GNG2: variants seen among roughly 807,000 people sequenced by gnomAD.
The protein encoded by GNG2 is guanine nucleotide-binding protein G(I)/G(S)/G(O) subunit gamma-2.
Under a neutral mutation model 5.5 loss-of-function variants are expected in GNG2, and 5 were observed. The ratio of observed to expected loss-of-function variants is 0.91; its 90% CI spans 0.48 to 1.92. The LOEUF is 1.92. GNG2 is among the 30% of genes most tolerant of loss of function. The pLI is 0.01. For synonymous variants in GNG2, 28 were observed against 32.0 expected (o/e 0.88, Z 0.42); for missense variants, 55 against 88.4 (o/e 0.62, Z 1.52).
chr14:51,943,613 T>C (rs1344400601), intron 2 of GNG2, among the ~76,000 whole-genome samples: 1 of 152,228 alleles, frequency 6.6e-6, no homozygotes, highest in Non-Finnish European at 1.5e-5. Flanking sequence ...GACAAAAGCA[T>C]TCTTCTCCAG....
intron 2 of GNG2, among the ~76,000 whole-genome samples, chr14:51,880,454 C>T (rs1883971794): frequency 6.6e-6 from 1 of 152,184 alleles, no homozygotes; most frequent in Non-Finnish European, 1.5e-5. Context: ...AAGTTATCCC[C>T]ACAAAGTAAG....
chr14:51,895,457 CA>C (rs1438585091), intron 2 of GNG2, among the ~76,000 whole-genome samples: 1 of 152,106 alleles, frequency 6.6e-6, no homozygotes, highest in African/African-American at 2.4e-5. Flanking sequence ...AATTTACATC[CA>C]GAGAAAGATG....
intron 3 of GNG2, among the ~76,000 whole-genome samples, chr14:51,953,146 G>A (rs1443722690): frequency 2.0e-5 from 3 of 152,146 alleles, no homozygotes; most frequent in African/African-American, 7.2e-5. Context: ...TAAAGATTCA[G>A]ATCAAATTAT....
intron 3 of GNG2, among the ~76,000 whole-genome samples, chr14:51,957,799 T>C (rs1457504416): frequency 1.3e-5 from 2 of 152,184 alleles, no homozygotes; most frequent in African/African-American, 2.4e-5. Context: ...CCTTGACACT[T>C]TTGGAGATTA....
At chr14:51,961,193 T>C (rs1186852613) in intron 3 of GNG2, among the ~76,000 whole-genome samples, 1 of 152,236 alleles carries the variant, frequency 6.6e-6, no homozygotes, top group Non-Finnish European at 1.5e-5. Flanking sequence ...TGCCCAGTTT[T>C]TAATTTAAGG....
Position 51,952,049 on chromosome 14 carries a change from A to T in GNG2, c.87+1284A>T, listed in dbSNP as rs1007941157. On this transcript the variant is annotated intron_variant, in intron 3 of 3. Transcript: ENST00000556766. ...CAGGCATCAGTATTTTTTAAAAAGA[A>T]TTTTTCAGTTCATTCCGATGTATAG... The T allele has an allele frequency of 2.9e-5, 18 of 611,994 alleles. No individual in the cohort carries two copies. In the African/African-American group the frequency reaches 3.0e-4, roughly 10 times the overall value. The allele number at this position is 611,994 out of a possible 1,614,324, so 37.9% of individuals were successfully genotyped here. A position where few individuals can be genotyped will look rare whatever the true frequency, so the allele number is the denominator to read the frequency against.
chr14:51,961,778 C>CA (rs1272679394), intron 3 of GNG2, among the ~76,000 whole-genome samples: 2 of 151,728 alleles, frequency 1.3e-5, no homozygotes, highest in Non-Finnish European at 2.9e-5. Context: ...CACTCTGAGG[C>CA]AAAAAAGAAC....
intron 1 of GNG2, among the ~76,000 whole-genome samples, chr14:51,865,843 A>G (rs770179038): frequency 1.3e-5 from 2 of 152,138 alleles, no homozygotes; most frequent in African/African-American, 2.4e-5. Flanking sequence ...AGTATTAGAG[A>G]TATCTGTAAA....
intron 2 of GNG2, among the ~76,000 whole-genome samples, chr14:51,909,603 T>A (rs1019526164): frequency 2.0e-5 from 3 of 152,200 alleles, no homozygotes; most frequent in African/African-American, 4.8e-5. Flanking sequence ...AGGGATTGCA[T>A]AAAGGACCCC....
chr14:51,911,302 G>T (rs8020243), intron 2 of GNG2, among the ~76,000 whole-genome samples: 1 of 152,074 alleles, frequency 6.6e-6, no homozygotes, highest in African/African-American at 2.4e-5. Flanking sequence ...ATTCTGTTAC[G>T]GGGTAGGGAA....
intron 2 of GNG2, among the ~76,000 whole-genome samples, chr14:51,887,163 C>T (rs1366127124): frequency 6.6e-6 from 1 of 152,136 alleles, no homozygotes; most frequent in African/African-American, 2.4e-5. Context: ...GAGAAAACCA[C>T]CCTATGCTTT....
chr14:51,955,534 C>CT (rs34270098), intron 3 of GNG2, among the ~76,000 whole-genome samples: 31 of 152,056 alleles, frequency 2.0e-4, no homozygotes, highest in African/African-American at 7.5e-4. Flanking sequence ...TTTGTAAAAG[C>CT]TTTTTTCAGT....
intron 2 of GNG2, among the ~76,000 whole-genome samples, chr14:51,918,265 G>C (rs958466391): frequency 6.6e-6 from 1 of 152,126 alleles, no homozygotes; most frequent in Admixed American, 6.5e-5. Context: ...GTAAAGAGCT[G>C]CACTGTCTCC....
chr14:51,918,119 A>G (rs1265087618), intron 2 of GNG2, among the ~76,000 whole-genome samples: 1 of 152,112 alleles, frequency 6.6e-6, no homozygotes, highest in East Asian at 1.9e-4. Context: ...AATAAACCAG[A>G]AGCAACAGGG....
intron 2 of GNG2, among the ~76,000 whole-genome samples, chr14:51,841,269 A>G (rs1225989125): frequency 6.6e-6 from 1 of 152,220 alleles, no homozygotes; most frequent in Admixed American, 6.5e-5. Context: ...CAGCTGCAAC[A>G]GGCCCCTCTC....
intron 2 of GNG2, among the ~76,000 whole-genome samples, chr14:51,829,818 C>G (rs970499701): frequency 6.6e-6 from 1 of 150,840 alleles, no homozygotes; most frequent in Non-Finnish European, 1.5e-5. Context: ...TTGACCTATG[C>G]TCCTAGTTGA....
At chr14:51,836,008 A>G (rs1275077844) in intron 2 of GNG2, among the ~76,000 whole-genome samples, 22 of 151,460 alleles carry the variant, frequency 1.5e-4, no homozygotes, top group Admixed American at 1.5e-3. Flanking sequence ...AACAATAGAA[A>G]TTTATTTCTC....
rs925131731 is a variant in GNG2, at chr14:51,967,670, A to C, written c.*983A>C. 3 of 152,110 alleles carry C rather than the reference A, an allele frequency of 2.0e-5. No individual in the cohort carries two copies. The highest frequency in any genetic ancestry group is 7.2e-5 in the African/African-American group (3 of 41,418). The allele number at this position is 152,110 out of a possible 1,614,324, so 9.4% of individuals were successfully genotyped here. A position where few individuals can be genotyped will look rare whatever the true frequency, so the allele number is the denominator to read the frequency against. ...CAATACGTTTTCCAGAATCCAAAGC[A>C]TTTTGGTTTATCCAGGACCCAGGGC... On this transcript the variant is annotated 3_prime_UTR_variant, in exon 4 of 4. Coordinates refer to ENST00000556766, the MANE Select transcript of GNG2 (RefSeq NM_053064.5).
At chr14:51,947,944 A>G (rs1367473682) in intron 2 of GNG2, among the ~76,000 whole-genome samples, 3 of 152,210 alleles carry the variant, frequency 2.0e-5, no homozygotes, top group Non-Finnish European at 4.4e-5. Context: ...AAAGGTAACC[A>G]TCTCACAGTT....
Sources: gnomAD v4.1 joint callset for allele counts (sites outside exome capture counted in the v4.1 genomes callset) on GRCh38, gnomAD v4.1.1 for gene constraint, MANE v1.5 for transcripts, NCBI Gene and HGNC (gene_info 2026-07-23, HGNC 2026-07-21) for gene names.